Variants in FSHR observed in about 807,000 individuals in gnomAD.
FSHR encodes follicle-stimulating hormone receptor.
A neutral mutation model predicts 52.1 loss-of-function variants in FSHR; 46 were observed. The ratio of observed to expected loss-of-function variants is 0.88; its 90% CI spans 0.70 to 1.13. The LOEUF is 1.13. FSHR is among the 50% of genes most tolerant of loss of function. The probability of loss-of-function intolerance (pLI) is 0.00; values close to 1 mark genes in which losing one functional copy is unlikely to be tolerated. For missense variants in FSHR, 964 were observed against 834.6 expected (o/e 1.16, Z -1.91); for synonymous variants, 399 against 309.6 (o/e 1.29, Z -3.03).
At chr2:49,014,476 G>C (rs999224556) in intron 4 of FSHR, among the ~76,000 whole-genome samples, 12 of 152,158 alleles carry the variant, frequency 7.9e-5, no homozygotes, top group Middle Eastern at 6.8e-3. Context: ...TGTTTCCTCT[G>C]TTCTCCCTCT....
intron 4 of FSHR, among the ~76,000 whole-genome samples, chr2:48,992,240 C>T (rs369622568): frequency 1.4e-4 from 21 of 152,168 alleles, no homozygotes; most frequent in African/African-American, 4.8e-4. Flanking sequence ...TGGGCTAAGA[C>T]AAATACATAT....
At chr2:49,146,740 A>G (rs1672885256) in intron 1 of FSHR, among the ~76,000 whole-genome samples, 1 of 152,042 alleles carries the variant, frequency 6.6e-6, no homozygotes, top group South Asian at 2.1e-4. Flanking sequence ...TCTCAGCGTC[A>G]TTTTACATCA....
chr2:49,153,369 A>G (rs768341617), intron 1 of FSHR, among the ~76,000 whole-genome samples: 5 of 152,180 alleles, frequency 3.3e-5, no homozygotes, highest in Admixed American at 6.5e-5. Context: ...TAACTGAACA[A>G]TTACTTCAGG....
chr2:49,034,415 G>A (rs376967247), intron 2 of FSHR, among the ~76,000 whole-genome samples: 1 of 152,338 alleles, frequency 6.6e-6, no homozygotes, highest in African/African-American at 2.4e-5. Flanking sequence ...CTGTGGCCCT[G>A]TGGATACCTT....
At chr2:49,038,728 G>C (rs1317777163) in intron 2 of FSHR, among the ~76,000 whole-genome samples, 1 of 151,008 alleles carries the variant, frequency 6.6e-6, no homozygotes, top group Non-Finnish European at 1.5e-5. Flanking sequence ...CAAAAACGAT[G>C]TAGAAAATTG....
intron 4 of FSHR, among the ~76,000 whole-genome samples, chr2:48,999,282 T>TA (rs11444533): frequency 0.76 from 115,443 of 151,904 alleles, 44,036 homozygotes; most frequent in Admixed American, 0.83. Flanking sequence ...TCCACTACCT[T>TA]GGAGACAGGT....
chr2:49,146,863 C>T (rs1023103402), intron 1 of FSHR, among the ~76,000 whole-genome samples: 1 of 152,028 alleles, frequency 6.6e-6, no homozygotes, highest in Non-Finnish European at 1.5e-5. Context: ...AAGTTTTCAT[C>T]AAGCTTGCCA....
At chr2:49,013,018 C>T (rs1023127819) in intron 4 of FSHR, among the ~76,000 whole-genome samples, 1 of 151,692 alleles carries the variant, frequency 6.6e-6, no homozygotes, top group Non-Finnish European at 1.5e-5. Context: ...AGGATTATTG[C>T]CATTATATAA....
chr2:49,027,338 C>T (rs10185242), intron 2 of FSHR, among the ~76,000 whole-genome samples: 47,222 of 151,930 alleles, frequency 0.31, 7,852 homozygotes, highest in Non-Finnish European at 0.38. Context: ...ATAAAGTGTA[C>T]CAATTATTTA....
In FSHR at chr2:48,988,959, T is replaced by G. The variant is rs766454496; in HGVS notation, c.524+18A>C. On this transcript the variant is annotated intron_variant, in intron 6 of 9. Coordinates refer to ENST00000406846, the MANE Select transcript of FSHR (RefSeq NM_000145.4). ...AAAATCAAATGTTACTCTGTTGGAT[T>G]TTTTCCCCCTTACTTACAGAATCAC... The G allele has an allele frequency of 8.1e-6, 13 of 1,604,722 alleles. No individual in the cohort carries two copies. In the Admixed American group the frequency reaches 2.2e-4, roughly 27 times the overall value.
intron 1 of FSHR, among the ~76,000 whole-genome samples, chr2:49,137,619 C>G (rs988692818): frequency 6.6e-6 from 1 of 152,032 alleles, no homozygotes; most frequent in African/African-American, 2.4e-5. Flanking sequence ...AAGTGTGATA[C>G]TGACACAAGG....
At chr2:48,969,018 A>G in intron 8 of FSHR, 135 bp from the exon 9 acceptor site, 1 of 807,198 alleles carries the variant, frequency 1.2e-6, no homozygotes, top group Non-Finnish European at 2.0e-6. Flanking sequence ...TTCCTCCAAC[A>G]CACCTTGGCC....
chr2:49,008,613 C>T (rs1331133995), intron 4 of FSHR, among the ~76,000 whole-genome samples: 47 of 147,068 alleles, frequency 3.2e-4, no homozygotes, highest in Non-Finnish European at 6.2e-4. Context: ...CTGACTTCCA[C>T]AATGGTTGAA....
At chr2:49,148,498 G>A (rs549389714) in intron 1 of FSHR, among the ~76,000 whole-genome samples, 25 of 152,068 alleles carry the variant, frequency 1.6e-4, no homozygotes, top group African/African-American at 5.3e-4. Flanking sequence ...ACCTGTAATT[G>A]AGCGTCCAGA....
chr2:49,151,141 C>CT (rs200436300), intron 1 of FSHR, among the ~76,000 whole-genome samples: 8,038 of 114,918 alleles, frequency 0.07, 392 homozygotes, highest in African/African-American at 0.13. Flanking sequence ...AAGGATTACT[C>CT]TTTTTTTTTT....
At chr2:49,023,322 A>G (rs1353412630) in intron 2 of FSHR, among the ~76,000 whole-genome samples, 1 of 152,146 alleles carries the variant, frequency 6.6e-6, no homozygotes, top group East Asian at 1.9e-4. Context: ...ATAATTTGAT[A>G]TGTAGTTAGT....
At chr2:48,995,369 G>C (rs1316028264) in intron 4 of FSHR, among the ~76,000 whole-genome samples, 2 of 152,098 alleles carry the variant, frequency 1.3e-5, no homozygotes, top group East Asian at 3.9e-4. Context: ...GAGTAGCCAA[G>C]AAGAAGTGCT....
At chr2:49,004,666 G>A (rs1348978498) in intron 4 of FSHR, among the ~76,000 whole-genome samples, 1 of 152,124 alleles carries the variant, frequency 6.6e-6, no homozygotes. Context: ...GACCTGAAGA[G>A]ATTAGTACAT....
chr2:49,114,608 C>T (rs1174843882), intron 1 of FSHR, among the ~76,000 whole-genome samples: 2 of 151,986 alleles, frequency 1.3e-5, no homozygotes, highest in East Asian at 1.9e-4. Context: ...GAGTAAGAAC[C>T]CTCGTAGCAT....
Sources: allele counts gnomAD v4.1 joint callset (sites outside exome capture counted in the v4.1 genomes callset), GRCh38; gene constraint gnomAD v4.1.1; transcripts MANE v1.5; gene names NCBI Gene and HGNC (gene_info 2026-07-23, HGNC 2026-07-21).